SYNE1: variants seen among roughly 807,000 people sequenced by gnomAD.
SYNE1 encodes nesprin-1.
SYNE1 carries 616 observed loss-of-function variants against 1,111.0 expected under a neutral mutation model. The ratio of observed to expected loss-of-function variants is 0.55; its 90% CI spans 0.52 to 0.59. The LOEUF is 0.59. Ranked by LOEUF, SYNE1 falls within the 20% of genes least tolerant of loss-of-function variation. SYNE1 has a pLI of 0.00. For missense variants in SYNE1, 10,006 were observed against 10,417.0 expected, an observed-to-expected ratio of 0.96 and a Z score of 1.72; for synonymous variants, 3,855 against 3,825.8, an observed-to-expected ratio of 1.01 and a Z score of -0.28.
intron 3 of SYNE1, among the ~76,000 whole-genome samples, chr6:152,540,982 A>G (rs575204398): frequency 6.6e-6 from 1 of 152,326 alleles, no homozygotes; most frequent in Non-Finnish European, 1.5e-5. Flanking sequence ...AAGACCCTGA[A>G]CAGATAATGC....
At chr6:152,631,457 C>G (rs1482404657) in intron 2 of SYNE1, among the ~76,000 whole-genome samples, 1 of 152,118 alleles carries the variant, frequency 6.6e-6, no homozygotes, top group African/African-American at 2.4e-5. Flanking sequence ...TTCTGGTTCT[C>G]TAGCAGGCAA....
rs1471140671 is a variant in SYNE1, at chr6:152,293,844, A to T, written c.17851-95T>A. ...TTCAGTGCTTTACCTCTGTGGCCCAACATAGGGTACTCAACTGTGGACTGG... is the reference window on the plus strand; with the variant it reads ...TTCAGTGCTTTACCTCTGTGGCCCATCATAGGGTACTCAACTGTGGACTGG... On this transcript the variant is annotated intron_variant, in intron 94 of 145. Transcript: ENST00000367255. The T allele has an allele frequency of 4.4e-6, 7 of 1,607,514 alleles. No homozygotes were observed. The African/African-American group carries it at 9.4e-5, about 21-fold the overall frequency.
chr6:152,254,686 A>C (rs1055365292), intron 104 of SYNE1, among the ~76,000 whole-genome samples, 194 bp downstream of exon 104: 2 of 152,116 alleles, frequency 1.3e-5, no homozygotes, highest in Non-Finnish European at 2.9e-5. Context: ...TGGTTTTCTC[A>C]ACCTTCCATT....
At chr6:152,489,291 A>T (rs576851106) in intron 11 of SYNE1, among the ~76,000 whole-genome samples, 2 of 152,218 alleles carry the variant, frequency 1.3e-5, no homozygotes, top group African/African-American at 4.8e-5. Context: ...ACAAAATGCA[A>T]CTCCAGCATC....
intron 48 of SYNE1, among the ~76,000 whole-genome samples, chr6:152,399,375 A>G (rs2097778822): frequency 6.6e-6 from 1 of 152,240 alleles, no homozygotes; most frequent in Admixed American, 6.5e-5. Flanking sequence ...TGAAATTCAG[A>G]ATCATCAAGA....
At chr6:152,259,081 C>T (rs781028341) in intron 101 of SYNE1, among the ~76,000 whole-genome samples, 5 of 152,142 alleles carry the variant, frequency 3.3e-5, no homozygotes, top group Non-Finnish European at 7.4e-5. Context: ...ACCTCCTCAC[C>T]TTTCAGGCTG....
At chr6:152,229,526 G>A (rs1352791687) in intron 115 of SYNE1, among the ~76,000 whole-genome samples, 1 of 152,034 alleles carries the variant, frequency 6.6e-6, no homozygotes, top group African/African-American at 2.4e-5. Context: ...AATTAATAAT[G>A]GGATATTATT....
intron 107 of SYNE1, among the ~76,000 whole-genome samples, chr6:152,241,655 G>A (rs554487908): frequency 6.5e-4 from 99 of 152,252 alleles, no homozygotes; most frequent in African/African-American, 2.2e-3. Context: ...TTCCCAGGGA[G>A]AAAGTCTGAA....
intron 128 of SYNE1, among the ~76,000 whole-genome samples, chr6:152,185,076 G>A (rs2069427738): frequency 6.6e-6 from 1 of 152,046 alleles, no homozygotes; most frequent in African/African-American, 2.4e-5. Flanking sequence ...TTACCATGAT[G>A]TTTTGACAAA....
intron 142 of SYNE1, chr6:152,134,657 G>A: frequency 4.8e-6 from 1 of 210,320 alleles, no homozygotes. Flanking sequence ...CTCCACCCTG[G>A]GCAACAGAGT....
intron 10 of SYNE1, among the ~76,000 whole-genome samples, chr6:152,500,821 G>T (rs1386648128): frequency 3.3e-5 from 5 of 151,650 alleles, no homozygotes; most frequent in Non-Finnish European, 7.4e-5. Flanking sequence ...CGTGGTGGCG[G>T]GCGCCTGTAG....
rs2097587333 is a variant in SYNE1, at chr6:152,390,261, C to T, written c.8177+19G>A. The T allele has an allele frequency of 6.2e-6, 10 of 1,613,780 alleles. No individual in the cohort carries two copies. The highest frequency in any genetic ancestry group is 8.5e-6 in the Non-Finnish European group (10 of 1,179,942). ...TCACTGCATTGGACTTAAACAAACTCTAAAAATAGGTTCTGTACCTTTGAG... is the reference window on the plus strand; with the variant it reads ...TCACTGCATTGGACTTAAACAAACTTTAAAAATAGGTTCTGTACCTTTGAG... On this transcript the variant is annotated intron_variant, in intron 53 of 145. Coordinates refer to ENST00000367255, the MANE Select transcript of SYNE1 (RefSeq NM_182961.4).
At chr6:152,360,629 T>C (rs986955846) in intron 64 of SYNE1, among the ~76,000 whole-genome samples, 1 of 152,220 alleles carries the variant, frequency 6.6e-6, no homozygotes, top group African/African-American at 2.4e-5. Flanking sequence ...TAACATACGC[T>C]TGACTGTTTT....
chr6:152,189,884 A>T (rs1006587477), intron 127 of SYNE1, among the ~76,000 whole-genome samples: 1 of 152,318 alleles, frequency 6.6e-6, no homozygotes, highest in East Asian at 1.9e-4. Flanking sequence ...TTAAAATAAG[A>T]CAATGAAGTT....
At chr6:152,632,041 C>G (rs1173659999) in intron 2 of SYNE1, among the ~76,000 whole-genome samples, 3 of 152,202 alleles carry the variant, frequency 2.0e-5, no homozygotes, top group African/African-American at 4.8e-5. Context: ...TTATTTTCCA[C>G]TGAGGCCTCT....
chr6:152,260,188 T>C (rs747696823), intron 101 of SYNE1, among the ~76,000 whole-genome samples: 1 of 152,196 alleles, frequency 6.6e-6, no homozygotes, highest in Non-Finnish European at 1.5e-5. Flanking sequence ...TAACTTAAGA[T>C]AGTCAGAAAA....
intron 66 of SYNE1, among the ~76,000 whole-genome samples, chr6:152,357,299 G>A (rs2096855162): frequency 6.6e-6 from 1 of 152,060 alleles, no homozygotes; most frequent in African/African-American, 2.4e-5. Context: ...CCATTCTCTT[G>A]CCATTATACA....
rs547901056 is a variant in SYNE1, at chr6:152,453,206, TG to T, written c.3027+379del. Among the ~76,000 whole-genome samples, 6 of 152,242 alleles carry T rather than the reference TG, an allele frequency of 3.9e-5. No individual in the cohort carries two copies. In the South Asian group the frequency reaches 8.3e-4, roughly 21 times the overall value. The stretch of plus-strand genomic sequence containing the variant: ...TATCTCAACTAGATGATAAAATCTT[TG>T]GGGGGCAGAAACTATACATACATGT... On this transcript the variant is annotated intron_variant, in intron 25 of 145. Transcript: ENST00000367255.
Position 152,321,316 on chromosome 6 carries a change from T to A in SYNE1, c.16158A>T (p.Leu5386Phe), listed in dbSNP as rs942561370. The change falls in exon 84 of 146, where the codon TTA (leucine) becomes TTT (phenylalanine). Residue 5386 changes from leucine to phenylalanine, a missense_variant. Physicochemically the swap from Leu to Phe is conservative, Grantham distance 22. Around this residue, in one of 7 missense-constraint regions of SYNE1, gnomAD observed 4,955 missense variants for 5,017.2 expected, o/e 0.99. Coordinates refer to ENST00000367255, the MANE Select transcript of SYNE1 (RefSeq NM_182961.4). Reference sequence around the variant, plus strand: ...CAGAAGGTAATATGGTATAAAGACCTAAGTACTTCTCCTTCTGTTCTTCTG... The same window carrying A: ...CAGAAGGTAATATGGTATAAAGACCAAAGTACTTCTCCTTCTGTTCTTCTG... ...KMAEEQKEKY[L>F]GLYTILPSEL... 6.2e-7 allele frequency: 1 copy of A among 1,613,968 alleles called. No individual in the cohort carries two copies. Among genetic ancestry groups the A allele is most frequent in the Non-Finnish European group, 8.5e-7 (1 of 1,179,924 alleles).
Sources: gnomAD v4.1 joint callset for allele counts (sites outside exome capture counted in the v4.1 genomes callset) on GRCh38, gnomAD v4.1.1 for gene constraint, gnomAD v4.1.1 regional missense constraint, MANE v1.5 for transcripts, NCBI Gene and HGNC (gene_info 2026-07-23, HGNC 2026-07-21) for gene names.